Variants in GLS observed in about 807,000 individuals in gnomAD.
GLS encodes glutaminase kidney isoform, mitochondrial.
Under a neutral mutation model 86.7 loss-of-function variants are expected in GLS, and 36 were observed. The observed-to-expected ratio is 0.42, with a 90% CI of 0.32 to 0.55. The LOEUF (loss-of-function observed/expected upper bound fraction) is 0.55, where lower values mean the gene tolerates loss of function less well. GLS is among the 20% of genes least tolerant of loss of function. The probability of loss-of-function intolerance (pLI) is 0.17; values close to 1 mark genes in which losing one functional copy is unlikely to be tolerated. For synonymous variants in GLS, 317 were observed against 305.9 expected (o/e 1.04, Z -0.38); for missense variants, 528 against 833.4 (o/e 0.63, Z 4.51).
chr2:190,932,695 G>T, intron 14 of GLS: 1 of 1,563,164 alleles, frequency 6.4e-7, no homozygotes, highest in Non-Finnish European at 8.7e-7. Flanking sequence ...AATAAATTAT[G>T]TATGTTGCTT....
intron 1 of GLS, 162 bp downstream of exon 1, chr2:190,881,632 G>C (rs1688190283): frequency 1.6e-6 from 1 of 629,992 alleles, no homozygotes; most frequent in Admixed American, 4.0e-5. Flanking sequence ...GATTAGGCCC[G>C]GCCCCGCCCG....
chr2:190,920,262 A>G lies in GLS; in HGVS notation c.1039-762A>G, dbSNP rs1351098742. 1.3e-5 allele frequency: 2 copies of G among 151,912 alleles called. No individual in the cohort carries two copies. Among genetic ancestry groups the G allele is most frequent in the Non-Finnish European group, 3.0e-5 (2 of 67,796 alleles). The allele number at this position is 151,912 out of a possible 1,614,324, so 9.4% of individuals were successfully genotyped here. A position where few individuals can be genotyped will look rare whatever the true frequency, so the allele number is the denominator to read the frequency against. ...AACTTCGCCGAGGTAAAATGAAACC[A>G]TTTGGCTACTTGAACTGATCTACAT... On this transcript the variant is annotated intron_variant, in intron 7 of 17. Transcript: ENST00000320717. This position sits in a 1 kb window ranked among gnomAD's most constrained non-coding sequence, Gnocchi z 4.2.
chr2:190,880,850 A>C lies in GLS; in HGVS notation c.-235A>C, dbSNP rs953257141. The C allele has an allele frequency of 1.0e-4, 84 of 807,174 alleles. 2 individuals are homozygous for C. Among genetic ancestry groups the C allele is most frequent in the Middle Eastern group, 3.4e-4 (1 of 2,928 alleles). The allele number at this position is 807,174 out of a possible 1,614,324, so 50.0% of individuals were successfully genotyped here. A position where few individuals can be genotyped will look rare whatever the true frequency, so the allele number is the denominator to read the frequency against. On this transcript the variant is annotated 5_prime_UTR_variant, in exon 1 of 18. Coordinates refer to ENST00000320717, the MANE Select transcript of GLS (RefSeq NM_014905.5). The stretch of plus-strand genomic sequence containing the variant: ...CGGAGCCTTAGGCGGAGCGAAGAGA[A>C]CCGGTCGCGGCAATCCTAGCGCGCA...
intron 14 of GLS, among the ~76,000 whole-genome samples, chr2:190,937,595 T>A (rs1313795974): frequency 6.6e-6 from 1 of 151,450 alleles, no homozygotes; most frequent in Admixed American, 6.6e-5. Context: ...TTCTATTTTA[T>A]GAACATAGGA....
chr2:190,941,755 AGAGT>A (rs1690440263), intron 14 of GLS, among the ~76,000 whole-genome samples: 2 of 152,130 alleles, frequency 1.3e-5, no homozygotes, highest in Admixed American at 1.3e-4. Context: ...GCGCTGAAGA[AGAGT>A]GAGGTGAGGT....
chr2:190,929,162 A>T (rs1175513234), intron 12 of GLS, among the ~76,000 whole-genome samples: 4 of 145,786 alleles, frequency 2.7e-5, no homozygotes, highest in African/African-American at 1.0e-4. Flanking sequence ...AATGACATTA[A>T]TTTTTTTTTT....
At chr2:190,881,554 A>G (rs1367606261) in intron 1 of GLS, 84 bp downstream of exon 1, 38 of 1,275,342 alleles carry the variant, frequency 3.0e-5, no homozygotes, top group Non-Finnish European at 4.0e-5. Context: ...GTGGGGCGGG[A>G]TAGGAGCCGA....
intron 7 of GLS, among the ~76,000 whole-genome samples, chr2:190,915,796 T>TA (rs1354636544): frequency 6.6e-6 from 1 of 152,216 alleles, no homozygotes; most frequent in Non-Finnish European, 1.5e-5. Flanking sequence ...GAGTCAGTGT[T>TA]ATTAAGGGTG....
rs1359378331 is a variant in GLS at position 190,963,043 on chromosome 2, T to C, written c.*57T>C. On this transcript the variant is annotated 3_prime_UTR_variant, in exon 18 of 18. Coordinates refer to ENST00000320717, the MANE Select transcript of GLS (RefSeq NM_014905.5). Reference sequence around the variant, plus strand: ...CCTATTTAATTGTGGAAAATGATTATGAAGAACATGTGTATTTCTATCTGG... The same window carrying C: ...CCTATTTAATTGTGGAAAATGATTACGAAGAACATGTGTATTTCTATCTGG... 1.6e-6 allele frequency: 2 copies of C among 1,222,954 alleles called. No individual in the cohort carries two copies. The highest frequency in any genetic ancestry group is 4.8e-5 in the East Asian group (2 of 42,016). The allele number at this position is 1,222,954 out of a possible 1,614,324, so 75.8% of individuals were successfully genotyped here. A position where few individuals can be genotyped will look rare whatever the true frequency, so the allele number is the denominator to read the frequency against.
chr2:190,898,697 T>A (rs1416409801), intron 3 of GLS, among the ~76,000 whole-genome samples: 1 of 152,208 alleles, frequency 6.6e-6, no homozygotes, highest in African/African-American at 2.4e-5. Context: ...AATGGCGCGA[T>A]CTTGGCTCAC....
At chr2:190,942,826 G>T (rs867237858) in intron 14 of GLS, among the ~76,000 whole-genome samples, 2 of 152,296 alleles carry the variant, frequency 1.3e-5, no homozygotes, top group South Asian at 4.1e-4. Flanking sequence ...AAGTCTCAGG[G>T]ACTATCAGGG....
rs550881054 is a variant in GLS at position 190,934,893 on chromosome 2, C to A, written c.1650+3256C>A. The A allele has an allele frequency of 2.0e-3, 1,952 of 978,224 alleles. 3 individuals are homozygous for A. Among genetic ancestry groups the A allele is most frequent in the Middle Eastern group, 3.2e-3 (6 of 1,886 alleles). The allele number at this position is 978,224 out of a possible 1,614,324, so 60.6% of individuals were successfully genotyped here. A position where few individuals can be genotyped will look rare whatever the true frequency, so the allele number is the denominator to read the frequency against. On this transcript the variant is annotated intron_variant, in intron 14 of 17. Coordinates refer to ENST00000320717, the MANE Select transcript of GLS (RefSeq NM_014905.5). Reference sequence around the variant, plus strand: ...AAGAGATAAGATACTGCGAATAGGCCCTCAAACTTAAAAAAGAAAAAACTT... The same window carrying A: ...AAGAGATAAGATACTGCGAATAGGCACTCAAACTTAAAAAAGAAAAAACTT...
At chr2:190,960,846 A>C (rs1690984223) in intron 17 of GLS, among the ~76,000 whole-genome samples, 1 of 152,156 alleles carries the variant, frequency 6.6e-6, no homozygotes, top group Admixed American at 6.5e-5. Context: ...CTATGATTAA[A>C]AACTCCTTTA....
At chr2:190,940,595 A>G (rs191372264) in intron 14 of GLS, among the ~76,000 whole-genome samples, 3 of 152,176 alleles carry the variant, frequency 2.0e-5, no homozygotes, top group Non-Finnish European at 4.4e-5. Flanking sequence ...TAATAAGTGT[A>G]AATTTGTAGT....
chr2:190,932,951 G>A (rs957370848), intron 14 of GLS: 35 of 1,288,826 alleles, frequency 2.7e-5, no homozygotes, highest in Non-Finnish European at 3.3e-5. Context: ...ATTTATTTGA[G>A]GTATTTTTTG....
chr2:190,932,396 A>G (rs1029690478), intron 14 of GLS, among the ~76,000 whole-genome samples: 5 of 151,940 alleles, frequency 3.3e-5, no homozygotes, highest in African/African-American at 1.2e-4. Flanking sequence ...AAAATTACCT[A>G]ATTAGACCTC....
At chr2:190,925,620 T>C (rs188807703) in intron 11 of GLS, among the ~76,000 whole-genome samples, 3 of 152,358 alleles carry the variant, frequency 2.0e-5, no homozygotes, top group Admixed American at 6.5e-5. Context: ...TACATTTGCC[T>C]GTCTTTACTA....
chr2:190,965,004 C>T lies in GLS; in HGVS notation c.*2018C>T, dbSNP rs1691090458. 1 of 151,976 alleles carries T rather than the reference C, an allele frequency of 6.6e-6. No homozygotes were observed. The highest frequency in any genetic ancestry group is 2.4e-5 in the African/African-American group (1 of 41,374). The allele number at this position is 151,976 out of a possible 1,614,324, so 9.4% of individuals were successfully genotyped here. A position where few individuals can be genotyped will look rare whatever the true frequency, so the allele number is the denominator to read the frequency against. On this transcript the variant is annotated 3_prime_UTR_variant, in exon 18 of 18. Transcript: ENST00000320717. The surrounding 1 kb of genome is among the most constrained non-coding windows in gnomAD (Gnocchi z 5.0). ...ATCTTTGTTGTTTAATTAAATGTGCCGTTATTTACCCCTGATGTTATTTAT... is the reference window on the plus strand; with the variant it reads ...ATCTTTGTTGTTTAATTAAATGTGCTGTTATTTACCCCTGATGTTATTTAT...
chr2:190,911,334 TGA>T (rs2124870148), intron 7 of GLS, among the ~76,000 whole-genome samples: 1 of 152,154 alleles, frequency 6.6e-6, no homozygotes, highest in African/African-American at 2.4e-5. Flanking sequence ...TTTATATCTG[TGA>T]GAAAAAGCTT....
Sources: allele counts gnomAD v4.1 joint callset (sites outside exome capture counted in the v4.1 genomes callset), GRCh38; gene constraint gnomAD v4.1.1; non-coding constraint Gnocchi (gnomAD v3.1); transcripts MANE v1.5; gene names NCBI Gene and HGNC (gene_info 2026-07-23, HGNC 2026-07-21).